The following STXBP5L variants were observed in gnomAD, a reference collection of about 807,000 sequenced individuals.
The protein encoded by STXBP5L is syntaxin-binding protein 5-like.
In STXBP5L, 65 loss-of-function variants were observed where a neutral mutation model predicts 144.5. The ratio of observed to expected loss-of-function variants is 0.45; its 90% CI spans 0.37 to 0.55. The LOEUF (loss-of-function observed/expected upper bound fraction) is 0.55. Ranked by LOEUF, STXBP5L falls within the 20% of genes least tolerant of loss-of-function variation. The probability of loss-of-function intolerance (pLI) is 0.00; values close to 1 mark genes in which losing one functional copy is unlikely to be tolerated. For synonymous variants in STXBP5L, 505 were observed against 469.6 expected (o/e 1.08, Z -0.97); for missense variants, 1,298 against 1,405.5 (o/e 0.92, Z 1.22).
At chr3:121,308,974 C>T (rs565211676) in intron 19 of STXBP5L, among the ~76,000 whole-genome samples, 18 of 151,936 alleles carry the variant, frequency 1.2e-4, no homozygotes, top group South Asian at 2.1e-4. Context: ...CTAATGTATA[C>T]GGTAAGTTTT....
At chr3:120,991,638 A>T (rs930067326) in intron 3 of STXBP5L, among the ~76,000 whole-genome samples, 1 of 152,226 alleles carries the variant, frequency 6.6e-6, no homozygotes, top group Non-Finnish European at 1.5e-5. Context: ...ACACCATGGA[A>T]TACTGTGCAG....
intron 3 of STXBP5L, among the ~76,000 whole-genome samples, chr3:121,004,480 A>G (rs1022158557): frequency 3.9e-5 from 6 of 151,908 alleles, no homozygotes; most frequent in South Asian, 2.1e-4. Context: ...TAGATATACA[A>G]TCATGTCGTC....
At chr3:121,244,372 AAAGAAGAGGGCCTAAGAGCCTT>A (rs2049771587) in intron 14 of STXBP5L, among the ~76,000 whole-genome samples, 1 of 151,918 alleles carries the variant, frequency 6.6e-6, no homozygotes, top group Admixed American at 6.6e-5. Flanking sequence ...AGAGGAACAA[AAAGAAGAGGGCCTAAGAGCCTT>A]ACAAACACAT....
At chr3:120,927,026 G>T (rs1182915695) in intron 2 of STXBP5L, among the ~76,000 whole-genome samples, 1 of 149,824 alleles carries the variant, frequency 6.7e-6, no homozygotes, top group Non-Finnish European at 1.5e-5. Context: ...ACCTCCGCCT[G>T]CCAGGTTCAA....
At chr3:121,057,291 C>T (rs1948529154) in intron 5 of STXBP5L, among the ~76,000 whole-genome samples, 1 of 151,778 alleles carries the variant, frequency 6.6e-6, no homozygotes, top group Non-Finnish European at 1.5e-5. Flanking sequence ...GCTTTTTTCC[C>T]TCTATAGTAT....
rs150511353 is a variant in STXBP5L, at chr3:121,278,259, G to T, written c.1959-1546G>T. The stretch of plus-strand genomic sequence containing the variant: ...TTCTATGTTGCCTGTTGACCAATAT[G>T]TGAAAACTGTTGTTTAATATATTTT... On this transcript the variant is annotated intron_variant, in intron 18 of 26. Transcript: ENST00000471454. Among the ~76,000 whole-genome samples the T allele has an allele frequency of 3.0e-3, 462 of 151,936 alleles. 3 individuals are homozygous for T. The highest frequency in any genetic ancestry group is 0.01 in the African/African-American group (431 of 41,510).
At chr3:121,157,925 T>C (rs986175783) in intron 9 of STXBP5L, 2 of 252,622 alleles carry the variant, frequency 7.9e-6, no homozygotes, top group Non-Finnish European at 1.5e-5. Context: ...ATAGGAAATT[T>C]TGTCACTTTT....
At chr3:121,247,389 T>C (rs1214881532) in intron 14 of STXBP5L, among the ~76,000 whole-genome samples, 1 of 152,224 alleles carries the variant, frequency 6.6e-6, no homozygotes, top group Non-Finnish European at 1.5e-5. Flanking sequence ...GGGATACATG[T>C]GTAGGATTGT....
At chr3:121,196,301 A>AT (rs796476255) in intron 9 of STXBP5L, among the ~76,000 whole-genome samples, 123 of 150,346 alleles carry the variant, frequency 8.2e-4, no homozygotes, top group South Asian at 4.2e-3. Context: ...TGCCTGGCTA[A>AT]TTTTTTTTTG....
chr3:120,999,279 C>G (rs555505825), intron 3 of STXBP5L, among the ~76,000 whole-genome samples: 3 of 152,314 alleles, frequency 2.0e-5, no homozygotes, highest in African/African-American at 4.8e-5. Flanking sequence ...TCTTGAACTC[C>G]TGATCTGAAG....
At chr3:121,221,874 T>G (rs1261538697) in intron 10 of STXBP5L, among the ~76,000 whole-genome samples, 4 of 147,658 alleles carry the variant, frequency 2.7e-5, no homozygotes, top group African/African-American at 5.0e-5. Flanking sequence ...GAAGCTTTGT[T>G]AAAAAAAAAA....
intron 19 of STXBP5L, among the ~76,000 whole-genome samples, chr3:121,309,793 AT>A (rs1443679707): frequency 6.6e-6 from 1 of 152,202 alleles, no homozygotes; most frequent in Non-Finnish European, 1.5e-5. Flanking sequence ...CTATAAAAAA[AT>A]CTAACATATT....
chr3:121,298,025 T>C (rs1376632474), intron 19 of STXBP5L, among the ~76,000 whole-genome samples: 1 of 152,200 alleles, frequency 6.6e-6, no homozygotes, highest in Admixed American at 6.5e-5. Flanking sequence ...CATATAGTGG[T>C]TCTATTTTTT....
intron 22 of STXBP5L, among the ~76,000 whole-genome samples, chr3:121,405,889 T>A (rs112946427): frequency 0.017 from 2,634 of 152,230 alleles, 70 homozygotes; most frequent in African/African-American, 0.059. Flanking sequence ...CTGAAGATTG[T>A]ATGCAATGAG....
intron 19 of STXBP5L, among the ~76,000 whole-genome samples, chr3:121,299,222 C>G (rs2051788713): frequency 6.6e-6 from 1 of 152,072 alleles, no homozygotes; most frequent in Non-Finnish European, 1.5e-5. Flanking sequence ...TATCTTTTCC[C>G]ACTAGCAACA....
At chr3:121,322,948 G>A (rs1160033363) in intron 20 of STXBP5L, among the ~76,000 whole-genome samples, 2 of 152,124 alleles carry the variant, frequency 1.3e-5, no homozygotes, top group African/African-American at 4.8e-5. Flanking sequence ...AATGATTAAT[G>A]ATGCTGAGCA....
intron 19 of STXBP5L, among the ~76,000 whole-genome samples, chr3:121,290,356 A>T (rs2051386662): frequency 6.6e-6 from 1 of 152,190 alleles, no homozygotes; most frequent in Non-Finnish European, 1.5e-5. Flanking sequence ...AACCAGGAAG[A>T]AATAGAAACT....
intron 20 of STXBP5L, among the ~76,000 whole-genome samples, chr3:121,359,640 G>C (rs191723263): frequency 2.0e-5 from 3 of 152,116 alleles, no homozygotes; most frequent in Non-Finnish European, 1.5e-5. Flanking sequence ...GAGATGTAGA[G>C]GTCTATTTTC....
rs151103025 is a variant in STXBP5L at position 121,026,904 on chromosome 3, C to T, written c.288-14796C>T. Among the ~76,000 whole-genome samples the T allele has an allele frequency of 2.0e-5, 3 of 151,528 alleles. No individual in the cohort carries two copies. In the Admixed American group the frequency reaches 2.0e-4, roughly 10 times the overall value. Reference sequence around the variant, plus strand: ...GTTGCACTACAAAAAGAGGTTATTCCAAGCAGCCCTCACTTCCATAAGTTT... The same window carrying T: ...GTTGCACTACAAAAAGAGGTTATTCTAAGCAGCCCTCACTTCCATAAGTTT... On this transcript the variant is annotated intron_variant, in intron 3 of 26. Coordinates refer to ENST00000471454, the MANE Select transcript of STXBP5L (RefSeq NM_001308330.2).
Sources: allele counts gnomAD v4.1 joint callset (sites outside exome capture counted in the v4.1 genomes callset), GRCh38; gene constraint gnomAD v4.1.1; transcripts MANE v1.5; gene names NCBI Gene and HGNC (gene_info 2026-07-23, HGNC 2026-07-21).